LYG1: variants seen among roughly 807,000 people sequenced by gnomAD.
The protein encoded by LYG1 is lysozyme g1, also known as lysozyme g-like protein 1.
Under a neutral mutation model 21.7 loss-of-function variants are expected in LYG1, and 17 were observed. That is an observed-to-expected ratio of 0.78 (90% confidence interval 0.54 to 1.18). The LOEUF is 1.18. Ranked by LOEUF, LYG1 falls within the 50% of genes most tolerant of loss-of-function variation. LYG1 has a pLI of 0.00. For synonymous variants in LYG1, 81 were observed against 87.4 expected (o/e 0.93, Z 0.41); for missense variants, 211 against 238.1 (o/e 0.89, Z 0.75).
At chr2:99,295,479 G>T in intron 3 of LYG1, 149 bp downstream of exon 3, 2 of 934,270 alleles carry the variant, frequency 2.1e-6, no homozygotes, top group Middle Eastern at 2.2e-4. Context: ...GCTGATTGTT[G>T]GTGGCTGTTC....
chr2:99,293,184 G>T lies in LYG1; in HGVS notation c.44-544C>A, dbSNP rs554851889. ...TTTTTGTATTTTTAGTAGAGACGAG[G>T]TTTCACCATGTTGGCCAGGCTGGTC... On this transcript the variant is annotated intron_variant, in intron 3 of 6. Transcript: ENST00000308528. Among the ~76,000 whole-genome samples, 3 of 151,994 alleles carry T rather than the reference G, an allele frequency of 2.0e-5. No individual in the cohort carries two copies. The East Asian group carries it at 5.8e-4, about 29-fold the overall frequency.
intron 5 of LYG1, among the ~76,000 whole-genome samples, chr2:99,289,992 G>C (rs1220368636): frequency 6.6e-6 from 1 of 152,004 alleles, no homozygotes; most frequent in Non-Finnish European, 1.5e-5. Flanking sequence ...CCAAGTAGCT[G>C]GAATTACAGG....
intron 2 of LYG1, among the ~76,000 whole-genome samples, chr2:99,297,545 T>C (rs763361068): frequency 2.0e-4 from 31 of 152,192 alleles, no homozygotes; most frequent in African/African-American, 4.1e-4. Flanking sequence ...GTATTTTCCA[T>C]GCTTGGAACT....
rs1326851120 is a variant in LYG1, at chr2:99,298,510, A to C, written c.-84T>G. On this transcript the variant is annotated 5_prime_UTR_variant, in exon 2 of 7. Coordinates refer to ENST00000308528, the MANE Select transcript of LYG1 (RefSeq NM_174898.3). ...TCCCAAAGCACTGTGTAAGTTTGTAAGGCATAATGGACCATGTCTTCTTCA... is the reference window on the plus strand; with the variant it reads ...TCCCAAAGCACTGTGTAAGTTTGTACGGCATAATGGACCATGTCTTCTTCA... 6.6e-6 allele frequency: 1 copy of C among 152,228 alleles called. No individual in the cohort carries two copies. The highest frequency in any genetic ancestry group is 1.5e-5 in the Non-Finnish European group (1 of 68,052). 9.4% of individuals were successfully genotyped at this position (152,228 alleles called of 1,614,324 possible).
intron 5 of LYG1, among the ~76,000 whole-genome samples, chr2:99,286,950 C>T (rs1161178332): frequency 6.6e-6 from 1 of 152,122 alleles, no homozygotes; most frequent in Non-Finnish European, 1.5e-5. Flanking sequence ...GAAGGAAATC[C>T]TGCATTATAT....
upstream of LYG1, among the ~76,000 whole-genome samples, chr2:99,301,717 C>CAAAAAAA (rs10688800): frequency 2.8e-5 from 4 of 143,682 alleles, no homozygotes; most frequent in Non-Finnish European, 6.1e-5. Context: ...GACTGTGTTC[C>CAAAAAAA]AAAAAAAAAA....
chr2:99,301,496 AGAAGGAAG>A (rs1275291140), upstream of LYG1, among the ~76,000 whole-genome samples: 1 of 92,286 alleles, frequency 1.1e-5, no homozygotes, highest in African/African-American at 3.8e-5. Flanking sequence ...AAGAAAAGGA[AGAAGGAAG>A]GAAGGAAGGG....
intron 5 of LYG1, 90 bp from the exon 6 acceptor site, chr2:99,284,910 G>A: frequency 6.6e-7 from 1 of 1,507,774 alleles, no homozygotes; most frequent in South Asian, 1.2e-5. Context: ...TTCATTTCCT[G>A]TCTCTTGTTC....
At chr2:99,302,050 C>T (rs1289968373), upstream of LYG1, among the ~76,000 whole-genome samples, 1 of 152,200 alleles carries the variant, frequency 6.6e-6, no homozygotes, top group Non-Finnish European at 1.5e-5. Flanking sequence ...CTTGATTTTC[C>T]CCAAACACAG....
chr2:99,290,988 C>A (rs147547640), intron 5 of LYG1, among the ~76,000 whole-genome samples: 21 of 152,244 alleles, frequency 1.4e-4, no homozygotes, highest in African/African-American at 5.1e-4. Flanking sequence ...CCACTTAGGT[C>A]CAGAAATCCA....
chr2:99,303,706 G>C (rs541886149), upstream of LYG1, among the ~76,000 whole-genome samples: 1 of 152,170 alleles, frequency 6.6e-6, no homozygotes, highest in Admixed American at 6.6e-5. Context: ...CTAGAGTGAC[G>C]GGGCTATGGC....
intron 5 of LYG1, among the ~76,000 whole-genome samples, chr2:99,286,770 A>G (rs1559217440): frequency 6.6e-6 from 1 of 152,204 alleles, no homozygotes; most frequent in Non-Finnish European, 1.5e-5. Context: ...CTGGGTATTC[A>G]TCCAAAAGAA....
At chr2:99,303,821 TC>T (rs373453913), upstream of LYG1, among the ~76,000 whole-genome samples, 448 of 151,730 alleles carry the variant, frequency 3.0e-3, 3 homozygotes, top group African/African-American at 0.01. Context: ...GGAGGCAGTT[TC>T]CCCCATACTG....
chr2:99,285,164 C>T (rs758787975), intron 5 of LYG1, among the ~76,000 whole-genome samples: 1 of 152,002 alleles, frequency 6.6e-6, no homozygotes, highest in South Asian at 2.1e-4. Context: ...GAGTTCGAGA[C>T]GAGCCTCAGC....
upstream of LYG1, among the ~76,000 whole-genome samples, chr2:99,302,719 TAAGA>T (rs2094158157): frequency 6.6e-6 from 1 of 152,148 alleles, no homozygotes. Flanking sequence ...CATTGAGGGT[TAAGA>T]TTTTGTTATT....
upstream of LYG1, among the ~76,000 whole-genome samples, chr2:99,303,150 G>A (rs1347065991): frequency 6.6e-6 from 1 of 152,116 alleles, no homozygotes; most frequent in East Asian, 1.9e-4. Flanking sequence ...TGGGAGGGGA[G>A]TGTGAGAACA....
chr2:99,290,783 A>C (rs1278160530), intron 5 of LYG1, among the ~76,000 whole-genome samples: 1 of 152,218 alleles, frequency 6.6e-6, no homozygotes, highest in Non-Finnish European at 1.5e-5. Flanking sequence ...AGGAAAATAA[A>C]TTTAACATTT....
chr2:99,301,493 GGAA>G (rs1422760555), upstream of LYG1, among the ~76,000 whole-genome samples: 1 of 103,056 alleles, frequency 9.7e-6, no homozygotes, highest in Admixed American at 1.3e-4. Context: ...AGAAAGAAAA[GGAA>G]GAAGGAAGGA....
chr2:99,295,871 A>C (rs1383921681), intron 2 of LYG1, among the ~76,000 whole-genome samples, 169 bp from the exon 3 acceptor site: 1 of 152,150 alleles, frequency 6.6e-6, no homozygotes, highest in Non-Finnish European at 1.5e-5. Flanking sequence ...AGGACAAGTA[A>C]GTGCTCCATT....
Sources: gnomAD v4.1 joint callset for allele counts (sites outside exome capture counted in the v4.1 genomes callset) on GRCh38, gnomAD v4.1.1 for gene constraint, MANE v1.5 for transcripts, NCBI Gene and HGNC (gene_info 2026-07-23, HGNC 2026-07-21) for gene names.